PALM2AKAP2: variants seen among roughly 807,000 people sequenced by gnomAD.
PALM2AKAP2 encodes the protein PALM2 and AKAP2 fusion.
A neutral mutation model predicts 71.5 loss-of-function variants in PALM2AKAP2; 37 were observed. The observed-to-expected ratio is 0.52, with a 90% CI of 0.40 to 0.68. The LOEUF (loss-of-function observed/expected upper bound fraction) is 0.68, where lower values mean the gene tolerates loss of function less well. Among genes scored for constraint, PALM2AKAP2 ranks in the 30% least tolerant of loss-of-function variants. PALM2AKAP2 has a pLI of 0.00. For synonymous variants in PALM2AKAP2, 468 were observed against 478.8 expected, an observed-to-expected ratio of 0.98 and a Z score of 0.29; for missense variants, 1,224 against 1,191.8, an observed-to-expected ratio of 1.03 and a Z score of -0.40.
At chr9:109,794,404 ATTT>A (rs57551115) in intron 1 of PALM2AKAP2, among the ~76,000 whole-genome samples, 2 of 143,752 alleles carry the variant, frequency 1.4e-5, no homozygotes, top group Non-Finnish European at 3.0e-5. Flanking sequence ...TTCCAGGTGT[ATTT>A]TTTTTTTTTT....
chr9:109,984,382 G>A (rs1025382265), intron 6 of PALM2AKAP2, among the ~76,000 whole-genome samples: 1 of 152,108 alleles, frequency 6.6e-6, no homozygotes, highest in Non-Finnish European at 1.5e-5. Flanking sequence ...TAGATACTGG[G>A]TATGGTGACT....
chr9:109,671,233 C>T (rs553973894), intron 1 of PALM2AKAP2, among the ~76,000 whole-genome samples: 1 of 152,184 alleles, frequency 6.6e-6, no homozygotes, highest in East Asian at 1.9e-4. Context: ...GTTTTTATAG[C>T]TTTGGGTTTT....
intron 1 of PALM2AKAP2, among the ~76,000 whole-genome samples, chr9:109,851,237 G>C (rs1207147706): frequency 1.4e-5 from 2 of 146,540 alleles, no homozygotes; most frequent in Admixed American, 1.3e-4. Flanking sequence ...ACCTGGTAGT[G>C]TTTACAGCCT....
At chr9:109,712,075 G>T (rs1828250546) in intron 1 of PALM2AKAP2, among the ~76,000 whole-genome samples, 1 of 151,990 alleles carries the variant, frequency 6.6e-6, no homozygotes, top group Admixed American at 6.6e-5. Context: ...GCTTGGCTGT[G>T]CCTTTTGAAC....
intron 6 of PALM2AKAP2, among the ~76,000 whole-genome samples, chr9:110,014,801 AAAATGTATATATATATATATAT>A (rs1213506980): frequency 1.2e-4 from 5 of 41,266 alleles, no homozygotes; most frequent in African/African-American, 4.6e-4. Flanking sequence ...AAAAAAAAAA[AAAATGTATATATATATATATAT>A]ATATATATAT....
At chr9:110,085,346 G>A (rs1388046508) in intron 1 of PALM2AKAP2, among the ~76,000 whole-genome samples, 1 of 152,204 alleles carries the variant, frequency 6.6e-6, no homozygotes, top group African/African-American at 2.4e-5. Context: ...AGTATAAGAG[G>A]TGGGATACAG....
intron 2 of PALM2AKAP2, among the ~76,000 whole-genome samples, chr9:110,141,556 A>T (rs528714545): frequency 6.6e-6 from 1 of 152,222 alleles, no homozygotes; most frequent in Non-Finnish European, 1.5e-5. Flanking sequence ...CTCCAAGTTC[A>T]TGATCGGGGA....
At chr9:109,687,841 A>G (rs1487865651) in intron 1 of PALM2AKAP2, among the ~76,000 whole-genome samples, 1 of 152,202 alleles carries the variant, frequency 6.6e-6, no homozygotes, top group East Asian at 1.9e-4. Context: ...TTTTGATTCA[A>G]AATGAGGGAT....
At chr9:110,063,594 C>G (rs529867213) in intron 1 of PALM2AKAP2, among the ~76,000 whole-genome samples, 1 of 150,286 alleles carries the variant, frequency 6.7e-6, no homozygotes, top group South Asian at 2.1e-4. Flanking sequence ...TGCCCACCAC[C>G]ACGCCCAGCT....
At chr9:110,150,908 T>C (rs1836295767) in intron 2 of PALM2AKAP2, among the ~76,000 whole-genome samples, 2 of 152,240 alleles carry the variant, frequency 1.3e-5, no homozygotes, top group East Asian at 1.9e-4. Context: ...ACCATTCCTC[T>C]AAGTTTGAGA....
intron 3 of PALM2AKAP2, among the ~76,000 whole-genome samples, chr9:109,897,249 G>T (rs1407214379): frequency 6.6e-6 from 1 of 152,160 alleles, no homozygotes; most frequent in Non-Finnish European, 1.5e-5. Context: ...GGGGATTAGT[G>T]TGAGGGGCAA....
At chr9:109,747,739 G>A (rs4394471) in intron 1 of PALM2AKAP2, among the ~76,000 whole-genome samples, 6,136 of 151,706 alleles carry the variant, frequency 0.04, 186 homozygotes, top group Non-Finnish European at 0.053. Context: ...GCATGATCTC[G>A]GCTCACTGCA....
exon 2 of PALM2AKAP2, chr9:110,137,207 T>C: frequency 1.2e-6 from 2 of 1,614,180 alleles, no homozygotes; most frequent in Non-Finnish European, 1.7e-6. Context: ...GATAGATTTC[T>C]CTGCTGCTCG....
At chr9:109,857,295 A>G (rs959982818) in intron 1 of PALM2AKAP2, among the ~76,000 whole-genome samples, 11 of 152,202 alleles carry the variant, frequency 7.2e-5, no homozygotes, top group African/African-American at 2.7e-4. Flanking sequence ...AAAAGTTAAA[A>G]TGGGAGAGAA....
At chr9:110,090,142 A>G (rs1373864544) in intron 1 of PALM2AKAP2, 1 of 300,176 alleles carries the variant, frequency 3.3e-6, no homozygotes, top group Admixed American at 4.4e-5. Context: ...TTTGAACCGG[A>G]GAAGTCGGGC....
At chr9:110,019,971 A>AT (rs940432840) in intron 7 of PALM2AKAP2, among the ~76,000 whole-genome samples, 12 of 152,080 alleles carry the variant, frequency 7.9e-5, no homozygotes, top group South Asian at 4.2e-4. Flanking sequence ...AAAAAGAATT[A>AT]TTTTTTTTCT....
chr9:109,821,921 G>A (rs764340705), intron 1 of PALM2AKAP2, among the ~76,000 whole-genome samples: 1 of 152,216 alleles, frequency 6.6e-6, no homozygotes, highest in East Asian at 1.9e-4. Context: ...GGAATTTTTT[G>A]TAATGAAAAA....
At chr9:110,104,614 A>G (rs983428506) in intron 1 of PALM2AKAP2, among the ~76,000 whole-genome samples, 13 of 152,166 alleles carry the variant, frequency 8.5e-5, no homozygotes, top group Non-Finnish European at 1.5e-4. Flanking sequence ...AAGCTTAGGA[A>G]TTCCAAGAAG....
chr9:109,892,755 TC>T (rs372645822), intron 3 of PALM2AKAP2, among the ~76,000 whole-genome samples: 17 of 152,086 alleles, frequency 1.1e-4, no homozygotes, highest in African/African-American at 3.9e-4. Flanking sequence ...TTAGCTTCTC[TC>T]TACTTCAGTT....
Sources: gnomAD v4.1 joint callset for allele counts (sites outside exome capture counted in the v4.1 genomes callset) on GRCh38, gnomAD v4.1.1 for gene constraint, MANE v1.5 for transcripts, NCBI Gene and HGNC (gene_info 2026-07-23, HGNC 2026-07-21) for gene names.